The following MMP16 variants were observed in gnomAD, a reference collection of about 807,000 sequenced individuals.
MMP16 encodes the protein matrix metalloproteinase-16.
A neutral mutation model predicts 67.8 loss-of-function variants in MMP16; 12 were observed. That is an observed-to-expected ratio of 0.18 (90% CI 0.11 to 0.29). The LOEUF (loss-of-function observed/expected upper bound fraction) is 0.29, where lower values mean the gene tolerates loss of function less well. Ranked by LOEUF, MMP16 falls within the 10% of genes least tolerant of loss-of-function variation. The pLI is 1.00. For missense variants in MMP16, 475 were observed against 765.7 expected (o/e 0.62, Z 4.48); for synonymous variants, 249 against 255.9 (o/e 0.97, Z 0.26).
chr8:88,081,144 C>T (rs1808744518), intron 6 of MMP16, among the ~76,000 whole-genome samples: 3 of 152,138 alleles, frequency 2.0e-5, no homozygotes, highest in South Asian at 4.2e-4. Context: ...GAGCCAGCAA[C>T]GAACACTAAG....
At chr8:88,137,346 G>T (rs147177230) in intron 4 of MMP16, among the ~76,000 whole-genome samples, 36 of 151,976 alleles carry the variant, frequency 2.4e-4, no homozygotes, top group Non-Finnish European at 4.7e-4. Context: ...CCAATAATTT[G>T]GAATTTTGGA....
At position 88,056,110 on chromosome 8, in the gene MMP16, TGAG is replaced by T. The variant is rs1563519041; in HGVS notation, c.1373+15_1373+17del. 7 of 1,448,142 alleles carry T rather than the reference TGAG, an allele frequency of 4.8e-6. No homozygotes were observed. The highest frequency in any genetic ancestry group is 6.4e-6 in the Non-Finnish European group (7 of 1,089,778). 89.7% of individuals were successfully genotyped at this position (1,448,142 alleles called of 1,614,324 possible). On this transcript the variant is annotated intron_variant, in intron 8 of 9. Transcript: ENST00000286614. ...ATTGGTTAATTAACTGTTTTTCTCA[TGAG>T]AAGTGTATACTGACCTGTCTCCCTT... is the stretch of plus-strand genomic sequence containing the variant.
chr8:88,163,672 T>C lies in MMP16; in HGVS notation c.709+3997A>G, dbSNP rs73694259. On this transcript the variant is annotated intron_variant, in intron 4 of 9. Coordinates refer to ENST00000286614, the MANE Select transcript of MMP16 (RefSeq NM_005941.5). ...TCTTTGTGATATGTTTGTGTTTACATTGATAGCACCATTTTAACTTTAACC... is the reference window on the plus strand; with the variant it reads ...TCTTTGTGATATGTTTGTGTTTACACTGATAGCACCATTTTAACTTTAACC... Among the ~76,000 whole-genome samples the C allele has an allele frequency of 7.0e-3, 1,066 of 152,198 alleles. 8 individuals are homozygous for C. The highest frequency in any genetic ancestry group is 0.024 in the African/African-American group (1,010 of 41,554).
intron 1 of MMP16, among the ~76,000 whole-genome samples, chr8:88,219,168 A>G (rs1809639686): frequency 6.6e-6 from 1 of 152,118 alleles, no homozygotes; most frequent in African/African-American, 2.4e-5. Flanking sequence ...GAAAGAAGGA[A>G]GGATCAAGAA....
rs1234966047 is a variant in MMP16, at chr8:88,039,697, G to A, written c.*1764C>T. 1 of 152,626 alleles carries A rather than the reference G, an allele frequency of 6.6e-6. No homozygotes were observed. The highest frequency in any genetic ancestry group is 1.5e-5 in the Non-Finnish European group (1 of 68,048). The allele number at this position is 152,626 out of a possible 1,614,324, so 9.5% of individuals were successfully genotyped here. A position where few individuals can be genotyped will look rare whatever the true frequency, so the allele number is the denominator to read the frequency against. On this transcript the variant is annotated 3_prime_UTR_variant, in exon 10 of 10. Transcript: ENST00000286614. This position sits in a 1 kb window ranked among gnomAD's most constrained non-coding sequence, Gnocchi z 4.5. Reference sequence around the variant, plus strand: ...ACAAAGCCAATGTCTGACTCATGGGGTGCATTCATTCTGACCATCTCTAAT... The same window carrying A: ...ACAAAGCCAATGTCTGACTCATGGGATGCATTCATTCTGACCATCTCTAAT...
At chr8:88,311,307 G>A (rs578134997) in intron 1 of MMP16, among the ~76,000 whole-genome samples, 4 of 152,282 alleles carry the variant, frequency 2.6e-5, no homozygotes, top group Non-Finnish European at 5.9e-5. Context: ...GATCATCAAA[G>A]TTTGATCCAG....
At chr8:88,131,188 G>A (rs1371389539) in intron 4 of MMP16, among the ~76,000 whole-genome samples, 1 of 151,260 alleles carries the variant, frequency 6.6e-6, no homozygotes, top group Non-Finnish European at 1.5e-5. Flanking sequence ...CTGGTAAGTG[G>A]TACAGGCAAG....
At chr8:88,214,163 T>C (rs1024872513) in intron 1 of MMP16, among the ~76,000 whole-genome samples, 1 of 152,108 alleles carries the variant, frequency 6.6e-6, no homozygotes, top group African/African-American at 2.4e-5. Flanking sequence ...TCCAGAAACA[T>C]CTATCACGTT....
chr8:88,140,357 C>G (rs1276998130), intron 4 of MMP16, among the ~76,000 whole-genome samples: 1 of 152,072 alleles, frequency 6.6e-6, no homozygotes, highest in South Asian at 2.1e-4. Flanking sequence ...AAACTATATC[C>G]TTTTTATGAC....
At chr8:88,056,083 A>T in intron 8 of MMP16, 45 bp downstream of exon 8, 2 of 1,368,882 alleles carry the variant, frequency 1.5e-6, no homozygotes, top group Non-Finnish European at 1.9e-6. Context: ...GATTTTCTAA[A>T]CATTGGTTAA....
At position 88,194,579 on chromosome 8, in the gene MMP16, G is replaced by A. The variant is rs138454837; in HGVS notation, c.281+2579C>T. Among the ~76,000 whole-genome samples the A allele has an allele frequency of 2.1e-4, 32 of 151,902 alleles. 2 individuals carry two copies. Among genetic ancestry groups the A allele is most frequent in the Middle Eastern group, 3.4e-3 (1 of 294 alleles). On this transcript the variant is annotated intron_variant, in intron 2 of 9. Coordinates refer to ENST00000286614, the MANE Select transcript of MMP16 (RefSeq NM_005941.5). ...AATAACACCTTAAGAGTAGAGATGC[G>A]ACAGCAGAAAAAAATAGGCAGGAAG...
chr8:88,273,286 T>A (rs1810596070), intron 1 of MMP16, among the ~76,000 whole-genome samples: 1 of 145,308 alleles, frequency 6.9e-6, no homozygotes, highest in East Asian at 2.1e-4. Context: ...GAGATGGGGT[T>A]TGACCATGTT....
At chr8:88,232,542 G>A (rs976918698) in intron 1 of MMP16, among the ~76,000 whole-genome samples, 4 of 152,246 alleles carry the variant, frequency 2.6e-5, no homozygotes, top group African/African-American at 7.2e-5. Context: ...CATATGTTCC[G>A]TATGGTGAGA....
intron 6 of MMP16, among the ~76,000 whole-genome samples, chr8:88,105,217 A>G (rs1269723029): frequency 6.7e-6 from 1 of 149,660 alleles, no homozygotes; most frequent in African/African-American, 2.5e-5. Context: ...CTATACCACT[A>G]CCATATTACT....
chr8:88,088,068 A>G (rs1450920760), intron 6 of MMP16, among the ~76,000 whole-genome samples: 1 of 101,654 alleles, frequency 9.8e-6, no homozygotes, highest in African/African-American at 3.9e-5. Flanking sequence ...TATATATAAT[A>G]GATATCTATA....
At chr8:88,243,766 T>C (rs987377637) in intron 1 of MMP16, among the ~76,000 whole-genome samples, 3 of 152,144 alleles carry the variant, frequency 2.0e-5, no homozygotes, top group African/African-American at 7.2e-5. Flanking sequence ...CGTGTTAACA[T>C]AATGTATGAC....
chr8:88,203,098 G>C (rs1442023398), intron 1 of MMP16, among the ~76,000 whole-genome samples: 1 of 127,816 alleles, frequency 7.8e-6, no homozygotes, highest in African/African-American at 2.9e-5. Context: ...CAAAATACCA[G>C]AACTTCTTTT....
intron 1 of MMP16, among the ~76,000 whole-genome samples, chr8:88,314,216 G>A (rs544889424): frequency 6.6e-6 from 1 of 152,026 alleles, no homozygotes; most frequent in South Asian, 2.1e-4. Flanking sequence ...CTCATGTATT[G>A]TAATTTTTAT....
At chr8:88,081,683 T>C (rs187525074) in intron 6 of MMP16, among the ~76,000 whole-genome samples, 4 of 152,192 alleles carry the variant, frequency 2.6e-5, no homozygotes, top group African/African-American at 9.6e-5. Flanking sequence ...TATTTGAATG[T>C]CACCTAATAT....
Sources: allele counts gnomAD v4.1 joint callset (sites outside exome capture counted in the v4.1 genomes callset), GRCh38; gene constraint gnomAD v4.1.1; non-coding constraint Gnocchi (gnomAD v3.1); transcripts MANE v1.5; gene names NCBI Gene and HGNC (gene_info 2026-07-23, HGNC 2026-07-21).